Variants in DPP6 observed in about 807,000 individuals in gnomAD.
DPP6 encodes dipeptidyl peptidase like 6.
Under a neutral mutation model 122.6 loss-of-function variants are expected in DPP6, and 69 were observed. The ratio of observed to expected loss-of-function variants is 0.56; its 90% confidence interval spans 0.46 to 0.69. DPP6 has a LOEUF of 0.69. DPP6 is among the 30% of genes least tolerant of loss of function. The probability of loss-of-function intolerance (pLI) is 0.00; values close to 1 mark genes in which losing one functional copy is unlikely to be tolerated. For missense variants in DPP6, 928 were observed against 1,116.9 expected, an observed-to-expected ratio of 0.83 and a Z score of 2.41; for synonymous variants, 418 against 433.1, an observed-to-expected ratio of 0.97 and a Z score of 0.43.
intron 17 of DPP6, among the ~76,000 whole-genome samples, chr7:154,859,309 C>T (rs2150593535): frequency 6.6e-6 from 1 of 152,362 alleles, no homozygotes; most frequent in South Asian, 2.1e-4. Flanking sequence ...CCATGGCCTA[C>T]AGCTGGGCAG....
At chr7:154,409,836 G>A (rs904823883) in intron 1 of DPP6, among the ~76,000 whole-genome samples, 1 of 152,204 alleles carries the variant, frequency 6.6e-6, no homozygotes, top group Non-Finnish European at 1.5e-5. Flanking sequence ...TGGTTCTGTA[G>A]CAGTGCTGGC....
chr7:154,406,478 T>TACAC, intron 1 of DPP6, among the ~76,000 whole-genome samples: 1 of 146,718 alleles, frequency 6.8e-6, no homozygotes, highest in South Asian at 2.2e-4. Flanking sequence ...CGCACACGCA[T>TACAC]ACACACACAC....
At chr7:154,803,768 C>T (rs1798521991) in intron 13 of DPP6, 96 bp from the exon 14 acceptor site, 1 of 1,490,586 alleles carries the variant, frequency 6.7e-7, no homozygotes, top group African/African-American at 1.4e-5. Flanking sequence ...AATGGCAGCC[C>T]CTGTCACCTG....
chr7:154,264,590 G>A (rs1803251136), intron 1 of DPP6, among the ~76,000 whole-genome samples: 3 of 152,086 alleles, frequency 2.0e-5, no homozygotes, highest in South Asian at 2.1e-4. Flanking sequence ...AAGAGGGCCC[G>A]CATTGGTATC....
intron 1 of DPP6, among the ~76,000 whole-genome samples, chr7:154,406,429 GCACACACA>G (rs10610650): frequency 6.7e-6 from 1 of 149,738 alleles, no homozygotes; most frequent in Non-Finnish European, 1.5e-5. Flanking sequence ...ACACACGCAT[GCACACACA>G]CACACACACA....
chr7:154,566,797 G>T (rs768743407), intron 4 of DPP6, 45 bp from the exon 5 acceptor site: 11 of 1,110,240 alleles, frequency 9.9e-6, no homozygotes, highest in African/African-American at 1.6e-5. Context: ...ATTCTGACTT[G>T]TTGTATGTAA....
At chr7:153,944,365 A>G (rs57385164) in intron 1 of DPP6, among the ~76,000 whole-genome samples, 2,941 of 152,280 alleles carry the variant, frequency 0.019, 89 homozygotes, top group African/African-American at 0.067. Flanking sequence ...GATGGACAAA[A>G]GAGGAAGGCA....
chr7:154,062,118 G>A (rs556873588), intron 1 of DPP6, among the ~76,000 whole-genome samples: 2 of 101,890 alleles, frequency 2.0e-5, no homozygotes, highest in African/African-American at 3.7e-5. Context: ...CACCCCCCGC[G>A]AGGCGGGGAC....
intron 1 of DPP6, among the ~76,000 whole-genome samples, chr7:153,963,462 C>T (rs1429007008): frequency 6.8e-6 from 1 of 146,764 alleles, no homozygotes; most frequent in Non-Finnish European, 1.5e-5. Flanking sequence ...AAAAAGCATC[C>T]CGCTTCAAGA....
intron 16 of DPP6, among the ~76,000 whole-genome samples, chr7:154,842,948 A>G (rs1438113453): frequency 1.3e-5 from 2 of 152,224 alleles, no homozygotes; most frequent in Non-Finnish European, 2.9e-5. Context: ...CTTAGGAAAT[A>G]TGAGGACCAG....
At chr7:154,338,512 A>G (rs1223052158) in intron 1 of DPP6, among the ~76,000 whole-genome samples, 1 of 152,166 alleles carries the variant, frequency 6.6e-6, no homozygotes, top group Non-Finnish European at 1.5e-5. Flanking sequence ...CCAAAAGAAA[A>G]AGAAAGAAAA....
intron 7 of DPP6, among the ~76,000 whole-genome samples, chr7:154,673,006 C>A (rs568654123): frequency 6.6e-6 from 1 of 152,196 alleles, no homozygotes; most frequent in South Asian, 2.1e-4. Context: ...CATATGCTGT[C>A]TTGGTTGTTC....
chr7:154,496,104 G>A (rs1563760483), intron 3 of DPP6, among the ~76,000 whole-genome samples: 1 of 152,170 alleles, frequency 6.6e-6, no homozygotes, highest in East Asian at 1.9e-4. Context: ...AAGAGTTGGA[G>A]GTTTCACACA....
chr7:153,912,216 C>T (rs948806414), intron 1 of DPP6, among the ~76,000 whole-genome samples: 10 of 152,194 alleles, frequency 6.6e-5, no homozygotes, highest in Non-Finnish European at 1.5e-5. Flanking sequence ...AAGATTTTGT[C>T]TCCAAATGAG....
intron 1 of DPP6, among the ~76,000 whole-genome samples, chr7:154,295,383 A>G (rs1805472076): frequency 6.6e-6 from 1 of 152,198 alleles, no homozygotes; most frequent in Non-Finnish European, 1.5e-5. Context: ...GTGACCTTCG[A>G]CAACTTATCC....
rs924969712 is a variant in DPP6, at chr7:154,461,964, A to AT, written c.359-12966dup. 2.4e-3 allele frequency among the ~76,000 whole-genome samples: 358 copies of AT among 151,462 alleles called. 3 individuals carry two copies. Among genetic ancestry groups the AT allele is most frequent in the African/African-American group, 8.1e-3 (335 of 41,290 alleles). ...TACAGTGTCCTGGAGAGTTTCCCCAATTTTTTTTTAAGTAGTTTCATTGTT... is the reference window on the plus strand; with the variant it reads ...TACAGTGTCCTGGAGAGTTTCCCCAATTTTTTTTTTAAGTAGTTTCATTGTT... On this transcript the variant is annotated intron_variant, in intron 2 of 25. Coordinates refer to ENST00000377770, the MANE Select transcript of DPP6 (RefSeq NM_130797.4).
chr7:154,738,788 A>G (rs574546788), intron 8 of DPP6, among the ~76,000 whole-genome samples: 2 of 152,382 alleles, frequency 1.3e-5, no homozygotes, highest in African/African-American at 4.8e-5. Context: ...TGCAGCCAGC[A>G]TTCCCTTCCA....
At chr7:154,663,394 C>G (rs1487408117) in intron 6 of DPP6, among the ~76,000 whole-genome samples, 1 of 41,992 alleles carries the variant, frequency 2.4e-5, no homozygotes, top group African/African-American at 4.6e-5. Context: ...CGTATTGGCG[C>G]TAGTATTCAT....
chr7:154,693,043 C>G (rs1473332392), intron 7 of DPP6, among the ~76,000 whole-genome samples: 1 of 152,182 alleles, frequency 6.6e-6, no homozygotes, highest in East Asian at 1.9e-4. Flanking sequence ...CCTCCTGCCT[C>G]AGCCTCCCAA....
Sources: gnomAD v4.1 joint callset for allele counts (sites outside exome capture counted in the v4.1 genomes callset) on GRCh38, gnomAD v4.1.1 for gene constraint, MANE v1.5 for transcripts, NCBI Gene and HGNC (gene_info 2026-07-23, HGNC 2026-07-21) for gene names.